LPP: variants seen among roughly 807,000 people sequenced by gnomAD.
LPP encodes the protein LIM domain containing preferred translocation partner in lipoma.
In LPP, 38 loss-of-function variants were observed where a neutral mutation model predicts 60.4. That is an observed-to-expected ratio of 0.63 (90% CI 0.49 to 0.83). LPP has a LOEUF of 0.83. Ranked by LOEUF, LPP falls within the 40% of genes least tolerant of loss-of-function variation. LPP has a pLI of 0.00. For synonymous variants in LPP, 328 were observed against 290.8 expected (o/e 1.13, Z -1.30); for missense variants, 902 against 783.6 (o/e 1.15, Z -1.80).
chr3:188,451,960 G>C (rs1796687973), intron 4 of LPP, among the ~76,000 whole-genome samples: 3 of 152,138 alleles, frequency 2.0e-5, no homozygotes, highest in African/African-American at 7.2e-5. Flanking sequence ...GGAGATGTTT[G>C]AGATGAGGCC....
intron 3 of LPP, among the ~76,000 whole-genome samples, chr3:188,387,681 G>T (rs1378634638): frequency 1.3e-5 from 2 of 150,950 alleles, no homozygotes; most frequent in African/African-American, 4.9e-5. Flanking sequence ...ATTTTCTTGT[G>T]CCAGCCTCCC....
chr3:188,602,742 G>A lies in LPP; in HGVS notation c.430-6419G>A, dbSNP rs1580314042. 3.1e-5 allele frequency among the ~76,000 whole-genome samples: 4 copies of A among 128,492 alleles called. No homozygotes were observed. In the East Asian group the frequency reaches 1.0e-3, roughly 34 times the overall value. The allele number at this position is 128,492 out of a possible 152,430, so 84.3% of individuals were successfully genotyped here. ...AGATTATTTATTAAAAAAAAAAAAA[G>A]GAGAAGAGTAACTTAGCATTTCCCC... On this transcript the variant is annotated intron_variant, in intron 6 of 11. Transcript: ENST00000617246.
chr3:188,839,024 T>A (rs1219384063), intron 9 of LPP, among the ~76,000 whole-genome samples: 1 of 152,132 alleles, frequency 6.6e-6, no homozygotes, highest in African/African-American at 2.4e-5. Flanking sequence ...AAGTAAAATT[T>A]TTTAAAATAA....
chr3:188,511,967 C>T (rs376494681), intron 5 of LPP, among the ~76,000 whole-genome samples: 3 of 152,088 alleles, frequency 2.0e-5, no homozygotes, highest in South Asian at 2.1e-4. Context: ...TTGAAATGTA[C>T]GAGATGTCGT....
At chr3:188,226,026 T>C (rs1051272409) in intron 2 of LPP, among the ~76,000 whole-genome samples, 2 of 152,240 alleles carry the variant, frequency 1.3e-5, no homozygotes, top group African/African-American at 4.8e-5. Context: ...TTTATTTTTT[T>C]GAGATGGAGT....
intron 7 of LPP, among the ~76,000 whole-genome samples, chr3:188,691,649 G>A (rs921293390): frequency 5.3e-5 from 8 of 152,158 alleles, no homozygotes; most frequent in African/African-American, 1.4e-4. Context: ...TGAGGAAACC[G>A]GACCCAGAGA....
intron 1 of LPP, among the ~76,000 whole-genome samples, chr3:188,188,790 G>A (rs556878063): frequency 5.3e-5 from 8 of 152,194 alleles, no homozygotes; most frequent in African/African-American, 1.9e-4. Flanking sequence ...CTGCACCATG[G>A]TATTACTATA....
At chr3:188,478,526 A>G (rs1370407903) in intron 4 of LPP, among the ~76,000 whole-genome samples, 2 of 152,054 alleles carry the variant, frequency 1.3e-5, no homozygotes, top group South Asian at 2.1e-4. Flanking sequence ...AAAGTTTCAG[A>G]CTTACTGTGT....
At chr3:188,288,728 A>C (rs2150015657) in intron 2 of LPP, among the ~76,000 whole-genome samples, 1 of 151,932 alleles carries the variant, frequency 6.6e-6, no homozygotes, top group Non-Finnish European at 1.5e-5. Context: ...TTTTCATTTG[A>C]TGTCCGGGTT....
chr3:188,830,064 A>T (rs1756725917), intron 9 of LPP, among the ~76,000 whole-genome samples: 1 of 151,904 alleles, frequency 6.6e-6, no homozygotes, highest in African/African-American at 2.4e-5. Context: ...CATCTAAATC[A>T]TCATGTATAA....
At chr3:188,334,426 T>C (rs562988584) in intron 2 of LPP, among the ~76,000 whole-genome samples, 58 of 145,186 alleles carry the variant, frequency 4.0e-4, no homozygotes, top group Admixed American at 6.8e-4. Flanking sequence ...TTCTTTCTTT[T>C]TTTTTTTTTT....
At chr3:188,717,033 A>C (rs1355809452) in intron 8 of LPP, among the ~76,000 whole-genome samples, 9 of 152,212 alleles carry the variant, frequency 5.9e-5, no homozygotes, top group African/African-American at 2.2e-4. Context: ...CAAAATAGAC[A>C]GTGTGTTTAT....
At chr3:188,732,535 C>T (rs1045747790) in intron 8 of LPP, among the ~76,000 whole-genome samples, 46 of 151,572 alleles carry the variant, frequency 3.0e-4, no homozygotes, top group African/African-American at 9.0e-4. Flanking sequence ...AGGCGGGTCA[C>T]GGTGAAACCC....
chr3:188,523,184 G>A (rs568147129), intron 5 of LPP, among the ~76,000 whole-genome samples: 62 of 152,188 alleles, frequency 4.1e-4, no homozygotes, highest in Non-Finnish European at 7.8e-4. Context: ...TGAGATTACA[G>A]GCATGAGCCA....
At chr3:188,159,917 GGTTT>G (rs1717696284) in intron 1 of LPP, among the ~76,000 whole-genome samples, 2 of 151,462 alleles carry the variant, frequency 1.3e-5, no homozygotes, top group Non-Finnish European at 2.9e-5. Context: ...TTGTTTGTTT[GGTTT>G]GTTTGTTTTG....
intron 3 of LPP, among the ~76,000 whole-genome samples, chr3:188,388,200 A>G (rs1339564168): frequency 6.6e-6 from 1 of 152,056 alleles, no homozygotes; most frequent in East Asian, 1.9e-4. Context: ...GTTCTAGAAC[A>G]TTTTTTACTC....
At chr3:188,434,590 A>G (rs1401785717) in intron 4 of LPP, among the ~76,000 whole-genome samples, 2 of 152,210 alleles carry the variant, frequency 1.3e-5, no homozygotes, top group Non-Finnish European at 2.9e-5. Flanking sequence ...TTTTCTTGTC[A>G]TCTGCCAAGT....
chr3:188,638,679 A>C (rs1339577233), intron 7 of LPP, among the ~76,000 whole-genome samples: 2 of 148,250 alleles, frequency 1.3e-5, no homozygotes, highest in Non-Finnish European at 3.0e-5. Context: ...TCAGGATACA[A>C]AATCAATGTA....
intron 5 of LPP, among the ~76,000 whole-genome samples, chr3:188,507,111 T>C (rs1230384251): frequency 2.0e-5 from 3 of 152,208 alleles, no homozygotes; most frequent in African/African-American, 7.2e-5. Context: ...ACCTTTATTT[T>C]ATTGCGAGAA....
Sources: allele counts gnomAD v4.1 joint callset (sites outside exome capture counted in the v4.1 genomes callset), GRCh38; gene constraint gnomAD v4.1.1; transcripts MANE v1.5; gene names NCBI Gene and HGNC (gene_info 2026-07-23, HGNC 2026-07-21).